TAB2: variants seen among roughly 807,000 people sequenced by gnomAD.
TAB2 encodes TGF-beta-activated kinase 1 and MAP3K7-binding protein 2.
A neutral mutation model predicts 65.0 loss-of-function variants in TAB2; 3 were observed. The ratio of observed to expected loss-of-function variants is 0.05; its 90% confidence interval spans 0.02 to 0.12. The LOEUF (loss-of-function observed/expected upper bound fraction) is 0.12. Ranked by LOEUF, TAB2 falls within the 10% of genes least tolerant of loss-of-function variation. TAB2 has a pLI of 1.00. For synonymous variants in TAB2, 298 were observed against 285.1 expected (o/e 1.05, Z -0.46); for missense variants, 623 against 840.3 (o/e 0.74, Z 3.20).
intron 1 of TAB2, among the ~76,000 whole-genome samples, chr6:149,302,249 A>C (rs941493570): frequency 6.6e-6 from 1 of 152,220 alleles, no homozygotes; most frequent in African/African-American, 2.4e-5. Context: ...TATGCACTTT[A>C]ACCTGAAAAG....
intron 1 of TAB2, among the ~76,000 whole-genome samples, chr6:149,361,630 C>T (rs1177310990): frequency 6.6e-6 from 1 of 152,182 alleles, no homozygotes. Flanking sequence ...CAATCTCTAG[C>T]AAGTGGTGAG....
chr6:149,368,375 G>A (rs886235660), intron 1 of TAB2, among the ~76,000 whole-genome samples: 5 of 152,018 alleles, frequency 3.3e-5, no homozygotes, highest in Admixed American at 2.0e-4. Flanking sequence ...AACTATGAAA[G>A]CCTGAGTGGG....
At chr6:149,243,532 T>G (rs1777641679) in intron 1 of TAB2, 3 of 152,182 alleles carry the variant, frequency 2.0e-5, no homozygotes, top group Admixed American at 1.3e-4. Flanking sequence ...TTCCCCCACC[T>G]CCATAACCTA....
intron 1 of TAB2, among the ~76,000 whole-genome samples, chr6:149,292,252 G>C (rs1051602140): frequency 2.0e-5 from 3 of 152,072 alleles, no homozygotes; most frequent in Non-Finnish European, 4.4e-5. Context: ...AAGAGTAAAT[G>C]GTTTAGTACA....
chr6:149,399,230 A>G, intron 6 of TAB2, 46 bp downstream of exon 6: 2 of 1,507,492 alleles, frequency 1.3e-6, no homozygotes, highest in Non-Finnish European at 1.8e-6. Flanking sequence ...TTGAAAAGCA[A>G]AATTTTAGAA....
chr6:149,400,165 G>A, intron 6 of TAB2: 1 of 570,796 alleles, frequency 1.8e-6, no homozygotes, highest in Non-Finnish European at 3.1e-6. Flanking sequence ...ACAAGGAGTT[G>A]TATGAATGGA....
intron 1 of TAB2, among the ~76,000 whole-genome samples, chr6:149,239,822 G>A (rs919548460): frequency 7.2e-5 from 11 of 152,198 alleles, no homozygotes; most frequent in Non-Finnish European, 1.2e-4. Flanking sequence ...GAACACAGCC[G>A]AGGGATATTC....
At chr6:149,319,126 T>C (rs1418410381) in intron 1 of TAB2, among the ~76,000 whole-genome samples, 1 of 152,250 alleles carries the variant, frequency 6.6e-6, no homozygotes, top group Non-Finnish European at 1.5e-5. Flanking sequence ...GGGGTCAGAT[T>C]GATTCACATT....
chr6:149,352,197 G>A (rs1448204705), intron 1 of TAB2, among the ~76,000 whole-genome samples: 2 of 152,044 alleles, frequency 1.3e-5, no homozygotes, highest in African/African-American at 4.8e-5. Flanking sequence ...TACTTTGTAT[G>A]GCACCTTCTT....
At position 149,223,039 on chromosome 6, in the gene TAB2, T is replaced by C. The variant is rs534829570; in HGVS notation, c.-121+4263T>C. 1.3e-5 allele frequency among the ~76,000 whole-genome samples: 2 copies of C among 152,350 alleles called. 1 individual carries two copies. Among genetic ancestry groups the C allele is most frequent in the South Asian group, 4.1e-4 (2 of 4,824 alleles). Reference sequence around the variant, plus strand: ...CCTGTACCAAACTCATTTTGTAAACTAAGATCAAGTCTAATAAAAAAATTC... The same window carrying C: ...CCTGTACCAAACTCATTTTGTAAACCAAGATCAAGTCTAATAAAAAAATTC... On this transcript the variant is annotated intron_variant, in intron 1 of 1. Transcript: ENST00000606202.
intron 1 of TAB2, among the ~76,000 whole-genome samples, chr6:149,326,572 G>A (rs1398314131): frequency 6.6e-6 from 1 of 151,602 alleles, no homozygotes; most frequent in Non-Finnish European, 1.5e-5. Context: ...TTTTGAGACG[G>A]GGTCTTGCTC....
At chr6:149,261,050 T>A (rs1778143278) in intron 1 of TAB2, among the ~76,000 whole-genome samples, 1 of 152,220 alleles carries the variant, frequency 6.6e-6, no homozygotes, top group Non-Finnish European at 1.5e-5. Context: ...GAAAGATCAA[T>A]GGAGAGGCCC....
At chr6:149,331,071 T>C (rs62426087) in intron 1 of TAB2, among the ~76,000 whole-genome samples, 2,148 of 152,262 alleles carry the variant, frequency 0.014, 30 homozygotes, top group Non-Finnish European at 0.021. Context: ...TCCAACTTCA[T>C]TCTCCTTTTT....
intron 1 of TAB2, among the ~76,000 whole-genome samples, chr6:149,258,236 G>T (rs1169133594): frequency 6.6e-6 from 1 of 152,080 alleles, no homozygotes; most frequent in African/African-American, 2.4e-5. Flanking sequence ...TTTAACAATG[G>T]GCTCTCCAGG....
intron 1 of TAB2, among the ~76,000 whole-genome samples, chr6:149,337,368 GA>G (rs1471989178): frequency 1.3e-5 from 2 of 152,102 alleles, no homozygotes; most frequent in African/African-American, 4.8e-5. Context: ...CTCTGAGGGG[GA>G]CTCTGTAGCT....
chr6:149,226,800 G>A (rs1253955455), intron 1 of TAB2, among the ~76,000 whole-genome samples: 2 of 152,194 alleles, frequency 1.3e-5, no homozygotes, highest in Non-Finnish European at 2.9e-5. Context: ...TGAGTTCCAT[G>A]AGGCCATTGC....
chr6:149,235,085 C>T (rs780570635), intron 1 of TAB2, among the ~76,000 whole-genome samples: 9 of 152,282 alleles, frequency 5.9e-5, no homozygotes, highest in East Asian at 1.9e-4. Flanking sequence ...TTTAAGTGTG[C>T]GCTCTGTGCC....
intron 1 of TAB2, among the ~76,000 whole-genome samples, chr6:149,362,852 C>G (rs1209063648): frequency 6.6e-6 from 1 of 152,042 alleles, no homozygotes; most frequent in Admixed American, 6.6e-5. Context: ...TTCATCTAAT[C>G]TAAATCTATA....
intron 1 of TAB2, among the ~76,000 whole-genome samples, chr6:149,287,499 G>A (rs73781729): frequency 0.2 from 28,696 of 145,724 alleles, 2,989 homozygotes; most frequent in East Asian, 0.43. Context: ...TTTTTAAAAA[G>A]AAAGTATTAG....
Sources: gnomAD v4.1 joint callset for allele counts (sites outside exome capture counted in the v4.1 genomes callset) on GRCh38, gnomAD v4.1.1 for gene constraint, MANE v1.5 for transcripts, NCBI Gene and HGNC (gene_info 2026-07-23, HGNC 2026-07-21) for gene names.